Variants in GGNBP2 observed in about 807,000 individuals in gnomAD.
The protein encoded by GGNBP2 is gametogenetin binding protein 2, also known as gametogenetin-binding protein 2.
A neutral mutation model predicts 85.9 loss-of-function variants in GGNBP2; 10 were observed. The ratio of observed to expected loss-of-function variants is 0.12; its 90% CI spans 0.07 to 0.20. GGNBP2 has a LOEUF of 0.20. Among genes scored for constraint, GGNBP2 ranks in the 10% least tolerant of loss-of-function variants. The probability of loss-of-function intolerance (pLI) is 1.00; values close to 1 mark genes in which losing one functional copy is unlikely to be tolerated. For synonymous variants in GGNBP2, 287 were observed against 285.7 expected (o/e 1.00, Z -0.05); for missense variants, 595 against 857.8 (o/e 0.69, Z 3.83).
intron 5 of GGNBP2, among the ~76,000 whole-genome samples, chr17:36,564,225 A>C (rs559525997): frequency 1.3e-5 from 2 of 152,306 alleles, no homozygotes; most frequent in East Asian, 3.9e-4. Context: ...TACAGTAAAG[A>C]GCTTGCCTTC....
intron 5 of GGNBP2, among the ~76,000 whole-genome samples, chr17:36,563,933 A>C (rs990000638): frequency 6.6e-6 from 1 of 152,018 alleles, no homozygotes; most frequent in Non-Finnish European, 1.5e-5. Flanking sequence ...TAGTAGACAC[A>C]GGGTTTCACC....
intron 2 of GGNBP2, among the ~76,000 whole-genome samples, chr17:36,553,021 CAAA>C (rs56946600): frequency 3.9e-5 from 3 of 76,224 alleles, no homozygotes; most frequent in Non-Finnish European, 2.4e-5. Context: ...GACTCTGTCT[CAAA>C]AAAAAAAAAA....
chr17:36,585,560 A>G (rs1043739067), intron 10 of GGNBP2, 110 bp downstream of exon 10: 1 of 750,584 alleles, frequency 1.3e-6, no homozygotes, highest in Non-Finnish European at 2.2e-6. Flanking sequence ...ACTGCTTTAT[A>G]GTTCCAAGAA....
chr17:36,585,330 A>C lies in GGNBP2; in HGVS notation c.1246A>C (p.Lys416Gln). ...AGACTTCATAGAAAATAGCAGCTGC[A>C]AAGCCTGTGGCAGCACTGAAGATGG... is the stretch of plus-strand genomic sequence containing the variant. The part of the protein sequence containing the change: ...ETDFIENSSC[K>Q]ACGSTEDGNT... Residue 416 changes from lysine (K) to glutamine (Q), a missense_variant, in exon 10 of 14, where the codon AAA (lysine) becomes CAA (glutamine). Coordinates refer to ENST00000613102, the MANE Select transcript of GGNBP2 (RefSeq NM_024835.5). 1 of 1,612,374 alleles carries C rather than the reference A, an allele frequency of 6.2e-7. No individual in the cohort carries two copies. Among genetic ancestry groups the C allele is most frequent in the Non-Finnish European group, 8.5e-7 (1 of 1,179,436 alleles).
At chr17:36,557,040 G>A (rs770845300) in intron 3 of GGNBP2, 43 bp from the exon 4 acceptor site, 15 of 1,609,370 alleles carry the variant, frequency 9.3e-6, no homozygotes, top group Middle Eastern at 1.6e-4. Context: ...GTAATTTTAC[G>A]TCTTTTTAAA....
In GGNBP2 at chr17:36,557,359, A is replaced by C. The variant is rs1287891640; in HGVS notation, c.428+23A>C. ...TGGGTAAGTATAATCAATTAGGAGA[A>C]AATGGGTTTGTTAAAATTTAAAACA... On this transcript the variant is annotated intron_variant, in intron 4 of 13. Coordinates refer to ENST00000613102, the MANE Select transcript of GGNBP2 (RefSeq NM_024835.5). 3.8e-6 allele frequency: 6 copies of C among 1,591,112 alleles called. No individual in the cohort carries two copies. The African/African-American group carries it at 8.1e-5, about 21-fold the overall frequency.
intron 13 of GGNBP2, among the ~76,000 whole-genome samples, chr17:36,588,431 AT>A (rs1033390307): frequency 6.6e-6 from 1 of 151,758 alleles, no homozygotes; most frequent in African/African-American, 2.4e-5. Flanking sequence ...CTAATTTTGT[AT>A]TTTTAGTAGA....
At chr17:36,575,344 A>G in intron 6 of GGNBP2, 1 of 383,808 alleles carries the variant, frequency 2.6e-6, no homozygotes, top group Non-Finnish European at 4.9e-6. Flanking sequence ...TTCTCAGAGA[A>G]GCATCTATTT....
At chr17:36,571,673 C>G (rs1555606848) in intron 6 of GGNBP2, among the ~76,000 whole-genome samples, 1 of 151,544 alleles carries the variant, frequency 6.6e-6, no homozygotes, top group Non-Finnish European at 1.5e-5. Context: ...AACCCCATCT[C>G]TACTAAAAAA....
intron 13 of GGNBP2, 192 bp downstream of exon 13, chr17:36,587,437 C>T (rs1348712569): frequency 2.9e-5 from 18 of 630,828 alleles, no homozygotes; most frequent in Admixed American, 1.4e-4. Flanking sequence ...CTCTGGAACA[C>T]GTTTCCATGG....
intron 5 of GGNBP2, among the ~76,000 whole-genome samples, chr17:36,564,945 A>T (rs1414244423): frequency 6.6e-6 from 1 of 152,198 alleles, no homozygotes; most frequent in Admixed American, 6.5e-5. Context: ...TGGAAGAAAG[A>T]TCTAGGCTGG....
At chr17:36,567,989 G>A (rs960153644) in intron 6 of GGNBP2, among the ~76,000 whole-genome samples, 1 of 151,702 alleles carries the variant, frequency 6.6e-6, no homozygotes, top group Non-Finnish European at 1.5e-5. Context: ...ACAGTGGCGC[G>A]ATCTCGGCTC....
chr17:36,549,564 C>T (rs1230151999), intron 2 of GGNBP2, among the ~76,000 whole-genome samples: 2 of 152,230 alleles, frequency 1.3e-5, no homozygotes, highest in Admixed American at 1.3e-4. Flanking sequence ...TACCCTTAGT[C>T]ATGCTTCTCA....
chr17:36,559,818 A>G (rs1455828774), intron 4 of GGNBP2, among the ~76,000 whole-genome samples: 2 of 151,976 alleles, frequency 1.3e-5, no homozygotes, highest in Non-Finnish European at 2.9e-5. Flanking sequence ...GTTAATTTTT[A>G]TTTAGCTTTT....
chr17:36,589,191 ACTG>A lies in GGNBP2; in HGVS notation c.1891-14_1891-12del, dbSNP rs748091092. 1.3e-6 allele frequency: 2 copies of A among 1,573,512 alleles called. No individual in the cohort carries two copies. The highest frequency in any genetic ancestry group is 1.7e-6 in the Non-Finnish European group (2 of 1,145,176). ...GCATTCTTAAGTCATAGTCTTAACT[ACTG>A]CTTTAATTTGCAGGATGAGTCTGAA... On this transcript the variant is annotated splice_polypyrimidine_tract_variant and intron_variant, in intron 13 of 13. Transcript: ENST00000613102.
chr17:36,574,833 A>G, intron 6 of GGNBP2: 1 of 687,350 alleles, frequency 1.5e-6, no homozygotes. Flanking sequence ...TTGTTCCCCC[A>G]GTAGCCTCTG....
Position 36,581,509 on chromosome 17 carries a change from G to T in GGNBP2, c.1186G>T (p.Ala396Ser). 6.2e-7 allele frequency: 1 copy of T among 1,609,450 alleles called. No homozygotes were observed. Among genetic ancestry groups the T allele is most frequent in the South Asian group, 1.1e-5 (1 of 90,216 alleles). Residue 396 changes from alanine to serine, a missense_variant, in exon 9 of 14, where the codon GCA (alanine) becomes TCA (serine). Ala to Ser is a moderately conservative substitution (Grantham distance 99, BLOSUM62 1). Coordinates refer to ENST00000613102, the MANE Select transcript of GGNBP2 (RefSeq NM_024835.5). ...VCDIPTPLQT[A>S]DEKEVSQEKE... is the part of the protein sequence containing the mutation. ...TGATATTCCTACTCCCTTACAAACA[G>T]CAGATGAAAAGGAAGTAAGCCAAGA...
In GGNBP2 at chr17:36,589,369, G is replaced by A. The variant is rs138768187; in HGVS notation, c.2052G>A (p.Arg684=). The A allele has an allele frequency of 4.0e-5, 64 of 1,614,038 alleles. No individual in the cohort carries two copies. The African/African-American group carries it at 4.9e-4, about 12-fold the overall frequency. Residue 684 remains arginine, a synonymous_variant, in exon 14 of 14, where the codon AGG becomes AGA. Coordinates refer to ENST00000613102, the MANE Select transcript of GGNBP2 (RefSeq NM_024835.5). ...ACTGCCGGTTAAATGATCACAAGAGGCCCATTTGTAGTGGCTGGTTGACAA... is the reference window on the plus strand; with the variant it reads ...ACTGCCGGTTAAATGATCACAAGAGACCCATTTGTAGTGGCTGGTTGACAA... The part of the protein sequence containing the change: ...NKYCRLNDHK[R]PICSGWLTTA...
At chr17:36,564,067 A>C (rs965555549) in intron 5 of GGNBP2, among the ~76,000 whole-genome samples, 6 of 152,040 alleles carry the variant, frequency 3.9e-5, no homozygotes, top group Non-Finnish European at 8.8e-5. Context: ...ATCTTTTAAA[A>C]ATTTTTTATT....
Sources: gnomAD v4.1 joint callset for allele counts (sites outside exome capture counted in the v4.1 genomes callset) on GRCh38, gnomAD v4.1.1 for gene constraint, MANE v1.5 for transcripts, NCBI Gene and HGNC (gene_info 2026-07-23, HGNC 2026-07-21) for gene names.